MOSPD1: variants seen among roughly 807,000 people sequenced by gnomAD.
MOSPD1 encodes the protein motile sperm domain containing 1.
A neutral mutation model predicts 16.7 loss-of-function variants in MOSPD1; 5 were observed. The ratio of observed to expected loss-of-function variants is 0.30; its 90% CI spans 0.16 to 0.63. MOSPD1 has a LOEUF of 0.63. Ranked by LOEUF, MOSPD1 falls within the 30% of genes least tolerant of loss-of-function variation. The probability of loss-of-function intolerance (pLI) is 0.82; values close to 1 mark genes in which losing one functional copy is unlikely to be tolerated. For synonymous variants in MOSPD1, 67 were observed against 59.2 expected (o/e 1.13, Z -0.61); for missense variants, 104 against 153.6 (o/e 0.68, Z 1.71).
intron 1 of MOSPD1, among the ~76,000 whole-genome samples, chrX:134,909,034 G>A (rs944130334): frequency 6.3e-5 from 7 of 110,815 alleles, no homozygotes; most frequent in Non-Finnish European, 1.3e-4. Flanking sequence ...TTGGAAGGCC[G>A]AGGCGGGCGG....
Position 134,891,605 on chromosome X carries a change from T to C in MOSPD1, c.484A>G (p.Thr162Ala). Residue 162 changes from threonine to alanine, a missense_variant, in exon 5 of 6, where the codon ACT becomes GCT. This residue lies in a region of MOSPD1 where 68 missense variants were observed against 73.1 expected (regional missense o/e 0.93). Transcript: ENST00000370783. Reference protein sequence around the residue: ...RAVSSGPSLLTVFLGVVCIAA... With the variant: ...RAVSSGPSLLAVFLGVVCIAA... Reference sequence around the variant, plus strand: ...ATGCACACCACTCCCAGGAAGACAGTTAGTAAACTAGGTCCTGAGGATACA... The same window carrying C: ...ATGCACACCACTCCCAGGAAGACAGCTAGTAAACTAGGTCCTGAGGATACA... The C allele has an allele frequency of 1.7e-6, 2 of 1,211,489 alleles. No homozygotes were observed. Among genetic ancestry groups the C allele is most frequent in the Non-Finnish European group, 2.2e-6 (2 of 895,354 alleles).
At chrX:134,913,737 TCA>T (rs1348688727) in intron 1 of MOSPD1, among the ~76,000 whole-genome samples, 1 of 112,102 alleles carries the variant, frequency 8.9e-6, no homozygotes, top group African/African-American at 3.2e-5. Context: ...GGAGAATCTA[TCA>T]CAGCTATCCC....
intron 3 of MOSPD1, among the ~76,000 whole-genome samples, chrX:134,897,546 T>TAAAAAAAAA (rs1221758366): frequency 1.0e-4 from 6 of 57,897 alleles, no homozygotes; most frequent in African/African-American, 2.7e-4. Flanking sequence ...TCTGTCTTAT[T>TAAAAAAAAA]AAAAAAAAAA....
intron 1 of MOSPD1, among the ~76,000 whole-genome samples, chrX:134,903,667 G>A (rs374927519): frequency 2.1e-5 from 2 of 93,823 alleles, no homozygotes; most frequent in African/African-American, 4.3e-5. Flanking sequence ...AGCCAAGATC[G>A]TACCACTGCA....
chrX:134,914,308 G>A (rs372181967), intron 1 of MOSPD1, among the ~76,000 whole-genome samples: 32 of 111,877 alleles, frequency 2.9e-4, no homozygotes, highest in African/African-American at 9.7e-4. Context: ...GCTGGAGAGG[G>A]CAGATGTCAA....
At chrX:134,897,219 T>C (rs191866723) in intron 3 of MOSPD1, among the ~76,000 whole-genome samples, 185 bp from the exon 4 acceptor site, 131 of 110,762 alleles carry the variant, frequency 1.2e-3, no homozygotes, top group African/African-American at 4.1e-3. Context: ...TTCGGAAACA[T>C]TGGATGAAAG....
chrX:134,906,174 C>CTTTTTTTTTTTTTT (rs765109385), intron 1 of MOSPD1, among the ~76,000 whole-genome samples: 4 of 56,658 alleles, frequency 7.1e-5, no homozygotes, highest in Non-Finnish European at 1.2e-4. Context: ...CCATTTATCA[C>CTTTTTTTTTTTTTT]TTTTTTTTTT....
At chrX:134,889,712 G>A (rs1335736152) in intron 5 of MOSPD1, among the ~76,000 whole-genome samples, 2 of 111,219 alleles carry the variant, frequency 1.8e-5, no homozygotes, top group Non-Finnish European at 3.8e-5. Context: ...TACAGAGAAG[G>A]AGGATAATCA....
intron 1 of MOSPD1, among the ~76,000 whole-genome samples, 177 bp downstream of exon 1, chrX:134,915,005 C>T (rs773627960): frequency 8.8e-6 from 1 of 113,077 alleles, no homozygotes; most frequent in Admixed American, 9.3e-5. Context: ...GGATCCCCTC[C>T]GTCTCCTCCC....
intron 1 of MOSPD1, among the ~76,000 whole-genome samples, chrX:134,900,474 T>C (rs991691389): frequency 4.5e-5 from 5 of 111,860 alleles, no homozygotes; most frequent in African/African-American, 1.6e-4. Flanking sequence ...TTGGAATTTT[T>C]TTATGAAAAT....
At chrX:134,905,935 TAAG>T (rs1023267799) in intron 1 of MOSPD1, among the ~76,000 whole-genome samples, 11 of 111,973 alleles carry the variant, frequency 9.8e-5, no homozygotes, top group African/African-American at 2.3e-4. Flanking sequence ...GTTCTAACTT[TAAG>T]AAGAAGTTAG....
At chrX:134,911,779 A>G (rs1045729325) in intron 1 of MOSPD1, among the ~76,000 whole-genome samples, 9 of 112,304 alleles carry the variant, frequency 8.0e-5, no homozygotes, top group Admixed American at 7.6e-4. Context: ...AGGTACTGCT[A>G]AAGTAAGACA....
intron 5 of MOSPD1, among the ~76,000 whole-genome samples, chrX:134,890,447 G>A (rs1343487661): frequency 9.1e-6 from 1 of 109,315 alleles, no homozygotes; most frequent in Non-Finnish European, 1.9e-5. Flanking sequence ...AATGAATGGG[G>A]GAAAGAAATA....
chrX:134,892,819 G>C (rs1235730702), intron 4 of MOSPD1, among the ~76,000 whole-genome samples: 2 of 111,158 alleles, frequency 1.8e-5, no homozygotes. Flanking sequence ...TTGAACTCGG[G>C]AGGTGGAGGT....
chrX:134,891,053 T>G (rs2082860928), intron 5 of MOSPD1, among the ~76,000 whole-genome samples: 1 of 111,570 alleles, frequency 9.0e-6, no homozygotes, highest in African/African-American at 3.3e-5. Flanking sequence ...AGAGAAAGGT[T>G]CTGAACATGG....
At chrX:134,912,810 G>A (rs771639658) in intron 1 of MOSPD1, among the ~76,000 whole-genome samples, 2 of 108,932 alleles carry the variant, frequency 1.8e-5, no homozygotes, top group East Asian at 2.9e-4. Flanking sequence ...GTGGTGGCAG[G>A]CGCCTGTAGT....
At chrX:134,893,065 CA>C (rs1341531491) in intron 4 of MOSPD1, among the ~76,000 whole-genome samples, 1 of 111,494 alleles carries the variant, frequency 9.0e-6, no homozygotes. Context: ...CCAACAGCAA[CA>C]CAATCTTTGT....
At chrX:134,905,264 G>A (rs1365187892) in intron 1 of MOSPD1, among the ~76,000 whole-genome samples, 3 of 108,157 alleles carry the variant, frequency 2.8e-5, no homozygotes, top group African/African-American at 1.0e-4. Context: ...AGCTACTCAG[G>A]AGGCTGAGGA....
chrX:134,893,751 T>C (rs1246757336), intron 4 of MOSPD1, among the ~76,000 whole-genome samples: 1 of 111,844 alleles, frequency 8.9e-6, no homozygotes, highest in Non-Finnish European at 1.9e-5. Context: ...TGACAATGTA[T>C]AAGCATTCAT....
Sources: allele counts gnomAD v4.1 joint callset (sites outside exome capture counted in the v4.1 genomes callset), GRCh38; gene constraint gnomAD v4.1.1; regional missense constraint gnomAD v4.1.1; transcripts MANE v1.5; gene names NCBI Gene and HGNC (gene_info 2026-07-23, HGNC 2026-07-21).